Variants in MALRD1 observed in about 807,000 individuals in gnomAD.
MALRD1 encodes the protein MAM and LDL receptor class A domain containing 1.
A neutral mutation model predicts 242.1 loss-of-function variants in MALRD1; 247 were observed. The ratio of observed to expected loss-of-function variants is 1.02; its 90% CI spans 0.92 to 1.13. The LOEUF is 1.13. Among genes scored for constraint, MALRD1 ranks in the 50% most tolerant of loss-of-function variants. The probability of loss-of-function intolerance (pLI) is 0.00; values close to 1 mark genes in which losing one functional copy is unlikely to be tolerated. For missense variants in MALRD1, 2,989 were observed against 2,533.1 expected, an observed-to-expected ratio of 1.18 and a Z score of -3.86; for synonymous variants, 995 against 866.6, an observed-to-expected ratio of 1.15 and a Z score of -2.60.
At chr10:19,571,732 C>A (rs749790586) in intron 33 of MALRD1, among the ~76,000 whole-genome samples, 40 of 152,204 alleles carry the variant, frequency 2.6e-4, no homozygotes, top group Admixed American at 1.1e-3. Flanking sequence ...CATACTTCAG[C>A]CCTTAGGAAA....
chr10:19,335,593 T>C (rs1843570442), intron 24 of MALRD1, among the ~76,000 whole-genome samples: 1 of 152,164 alleles, frequency 6.6e-6, no homozygotes, highest in South Asian at 2.1e-4. Context: ...TTTCAAAAGT[T>C]TGGCTGGCAA....
chr10:19,451,095 A>G (rs1211130743), intron 29 of MALRD1, among the ~76,000 whole-genome samples: 1 of 152,180 alleles, frequency 6.6e-6, no homozygotes, highest in African/African-American at 2.4e-5. Context: ...TTCCTTCCGT[A>G]CCATCCGCTT....
At chr10:19,685,397 T>C (rs1378473704) in intron 36 of MALRD1, among the ~76,000 whole-genome samples, 1 of 152,230 alleles carries the variant, frequency 6.6e-6, no homozygotes, top group East Asian at 1.9e-4. Context: ...AGATGTTCAA[T>C]AAATATTTTA....
chr10:19,459,382 A>G (rs181551577), intron 29 of MALRD1, among the ~76,000 whole-genome samples: 26 of 152,290 alleles, frequency 1.7e-4, no homozygotes, highest in Admixed American at 1.7e-3. Context: ...ATTGCCAGTT[A>G]TAAATCTAAC....
chr10:19,569,611 GCT>G (rs1384288905), intron 33 of MALRD1, among the ~76,000 whole-genome samples: 1 of 147,614 alleles, frequency 6.8e-6, no homozygotes, highest in African/African-American at 2.5e-5. Flanking sequence ...GTCATTCTTT[GCT>G]CTGTCTTTTA....
chr10:19,457,748 A>G (rs936587697), intron 29 of MALRD1, among the ~76,000 whole-genome samples: 1 of 149,550 alleles, frequency 6.7e-6, no homozygotes. Flanking sequence ...TAGTTTGCCA[A>G]TGATTTCAAA....
chr10:19,198,957 T>C (rs1243682422), intron 14 of MALRD1, among the ~76,000 whole-genome samples: 1 of 152,140 alleles, frequency 6.6e-6, no homozygotes. Flanking sequence ...CACATAACCA[T>C]TAGAATGCAT....
chr10:19,214,695 C>A lies in MALRD1; in HGVS notation c.2991+5015C>A, dbSNP rs74118872. On this transcript the variant is annotated intron_variant, in intron 18 of 39. Transcript: ENST00000454679. ...TCCTGGGAACTTAACAATGTCAATG[C>A]AGTCTCTTATACATTATTAACTTAA... Among the ~76,000 whole-genome samples the A allele has an allele frequency of 9.4e-3, 1,431 of 152,284 alleles. 25 individuals are homozygous for A. The highest frequency in any genetic ancestry group is 0.032 in the African/African-American group (1,348 of 41,558).
chr10:19,096,923 C>G (rs1207396502), intron 4 of MALRD1, among the ~76,000 whole-genome samples: 1 of 152,156 alleles, frequency 6.6e-6, no homozygotes, highest in Admixed American at 6.5e-5. Flanking sequence ...CTGTGAAGGA[C>G]TAGGTCTCTC....
chr10:19,143,041 C>T (rs1833605687), intron 10 of MALRD1, among the ~76,000 whole-genome samples: 2 of 152,214 alleles, frequency 1.3e-5, no homozygotes, highest in South Asian at 4.1e-4. Context: ...CACCATGTCA[C>T]CATGTTGCTT....
At chr10:19,516,002 A>G (rs1564406058) in intron 31 of MALRD1, among the ~76,000 whole-genome samples, 1 of 152,236 alleles carries the variant, frequency 6.6e-6, no homozygotes, top group Admixed American at 6.5e-5. Flanking sequence ...TATGAAGATG[A>G]GACGTTAAAC....
At chr10:19,509,330 T>C (rs919106533) in intron 31 of MALRD1, among the ~76,000 whole-genome samples, 1 of 152,178 alleles carries the variant, frequency 6.6e-6, no homozygotes, top group African/African-American at 2.4e-5. Context: ...GGCATCTGCC[T>C]CATTTGGGTA....
chr10:19,591,095 A>G (rs1837756130), intron 33 of MALRD1, among the ~76,000 whole-genome samples: 1 of 152,142 alleles, frequency 6.6e-6, no homozygotes, highest in African/African-American at 2.4e-5. Flanking sequence ...CCTGGCAGAT[A>G]CTTTTCCTGT....
At chr10:19,571,439 G>A (rs1836534593) in intron 33 of MALRD1, among the ~76,000 whole-genome samples, 1 of 152,096 alleles carries the variant, frequency 6.6e-6, no homozygotes, top group South Asian at 2.1e-4. Flanking sequence ...TCTTTGAAGT[G>A]TTAGTACTTA....
intron 26 of MALRD1, among the ~76,000 whole-genome samples, chr10:19,370,115 T>C (rs1052186828): frequency 2.6e-5 from 4 of 152,132 alleles, no homozygotes; most frequent in East Asian, 1.9e-4. Flanking sequence ...GAAATGACGC[T>C]CATTTACCTA....
chr10:19,104,081 A>T lies in MALRD1; in HGVS notation c.694+6A>T. The T allele has an allele frequency of 2.4e-6, 3 of 1,225,492 alleles. No individual in the cohort carries two copies. Among genetic ancestry groups the T allele is most frequent in the Non-Finnish European group, 3.1e-6 (3 of 980,604 alleles). The allele number at this position is 1,225,492 out of a possible 1,614,324, so 75.9% of individuals were successfully genotyped here. A position where few individuals can be genotyped will look rare whatever the true frequency, so the allele number is the denominator to read the frequency against. Reference sequence around the variant, plus strand: ...AGGCTGCTTGCCTGCCAATGGTAAGAACTTTTTCTCTCATTTTGATCTTTA... The same window carrying T: ...AGGCTGCTTGCCTGCCAATGGTAAGTACTTTTTCTCTCATTTTGATCTTTA... On this transcript the variant is annotated splice_donor_region_variant and intron_variant, in intron 5 of 39. Transcript: ENST00000454679.
At chr10:19,501,691 C>T (rs10764041) in intron 31 of MALRD1, among the ~76,000 whole-genome samples, 144,218 of 152,184 alleles carry the variant, frequency 0.95, 68,412 homozygotes, top group East Asian at 1. Flanking sequence ...CATAGATTAC[C>T]TGAATGGGTG....
At chr10:19,404,396 A>G (rs572140255) in intron 28 of MALRD1, among the ~76,000 whole-genome samples, 9 of 152,190 alleles carry the variant, frequency 5.9e-5, no homozygotes, top group African/African-American at 2.2e-4. Context: ...ACCTGGAACT[A>G]CAGATAATTT....
intron 32 of MALRD1, among the ~76,000 whole-genome samples, chr10:19,535,179 C>G (rs60112939): frequency 6.6e-6 from 1 of 152,008 alleles, no homozygotes; most frequent in Admixed American, 6.6e-5. Flanking sequence ...CCACTGCGCC[C>G]GACCAAAGTT....
Sources: allele counts gnomAD v4.1 joint callset (sites outside exome capture counted in the v4.1 genomes callset), GRCh38; gene constraint gnomAD v4.1.1; transcripts MANE v1.5; gene names NCBI Gene and HGNC (gene_info 2026-07-23, HGNC 2026-07-21).